NELL2: variants seen among roughly 807,000 people sequenced by gnomAD.
NELL2 encodes the protein neural EGFL like 2, also known as protein kinase C-binding protein NELL2.
Under a neutral mutation model 109.6 loss-of-function variants are expected in NELL2, and 41 were observed. The ratio of observed to expected loss-of-function variants is 0.37; its 90% CI spans 0.29 to 0.49. The LOEUF (loss-of-function observed/expected upper bound fraction) is 0.49. Among genes scored for constraint, NELL2 ranks in the 20% least tolerant of loss-of-function variants. The pLI, the probability that NELL2 is intolerant of heterozygous loss-of-function variation, is 0.98. For missense variants in NELL2, 900 were observed against 1,008.3 expected, an observed-to-expected ratio of 0.89 and a Z score of 1.45; for synonymous variants, 355 against 344.7, an observed-to-expected ratio of 1.03 and a Z score of -0.33.
rs532440091 is a variant in NELL2 at position 44,776,410 on chromosome 12, C to A, written c.763-260G>T. On this transcript the variant is annotated intron_variant, in intron 7 of 19. Coordinates refer to ENST00000429094, the MANE Select transcript of NELL2 (RefSeq NM_001145108.2). ...ATAAGACATAAATCAAAGGTTAATT[C>A]AAAACATCACTCAAATGCAGAGAAG... Among the ~76,000 whole-genome samples the A allele has an allele frequency of 2.0e-5, 3 of 152,188 alleles. No homozygotes were observed. The South Asian group carries it at 6.2e-4, about 32-fold the overall frequency.
At chr12:44,557,662 T>C (rs1231176220) in intron 15 of NELL2, among the ~76,000 whole-genome samples, 2 of 152,168 alleles carry the variant, frequency 1.3e-5, no homozygotes, top group East Asian at 3.9e-4. Flanking sequence ...ATATGTTGAA[T>C]TGGCTATTGA....
chr12:44,738,145 T>A (rs1009579396), intron 9 of NELL2, among the ~76,000 whole-genome samples: 1 of 152,160 alleles, frequency 6.6e-6, no homozygotes, highest in Non-Finnish European at 1.5e-5. Context: ...AGCCATTATA[T>A]TGTAGTCTAT....
At chr12:44,888,777 C>T (rs1312773235) in intron 1 of NELL2, among the ~76,000 whole-genome samples, 1 of 151,630 alleles carries the variant, frequency 6.6e-6, no homozygotes, top group Non-Finnish European at 1.5e-5. Flanking sequence ...TTTTAGTCAA[C>T]ATTCTTCGTA....
chr12:44,846,714 G>GT (rs538236390), intron 2 of NELL2, among the ~76,000 whole-genome samples: 44 of 152,028 alleles, frequency 2.9e-4, no homozygotes, highest in Non-Finnish European at 5.9e-4. Context: ...ATTTTTTCTA[G>GT]TTTTTTCCCA....
chr12:44,861,098 T>C (rs1374903251), intron 2 of NELL2, among the ~76,000 whole-genome samples: 4 of 152,112 alleles, frequency 2.6e-5, no homozygotes, highest in East Asian at 1.9e-4. Flanking sequence ...AGGTGAGAGA[T>C]TGCAGCACCT....
chr12:44,751,313 T>G (rs1397083954), intron 9 of NELL2, among the ~76,000 whole-genome samples: 5 of 152,230 alleles, frequency 3.3e-5, no homozygotes, highest in Admixed American at 3.3e-4. Context: ...AAATGATATT[T>G]TGTTCTTTAT....
chr12:44,648,797 G>A (rs760425356), intron 13 of NELL2, among the ~76,000 whole-genome samples: 8 of 142,242 alleles, frequency 5.6e-5, no homozygotes, highest in South Asian at 2.2e-4. Context: ...GTGCAGTGGC[G>A]TGATCTCGGC....
At position 44,520,243 on chromosome 12, in the gene NELL2, A is replaced by G. The variant is rs747259016; in HGVS notation, c.2176-14T>C. ...AACTTCCCCTTGCTACAAGGAAAGC[A>G]GATGTGCAAGGGCAGAGGGAGAGGG... On this transcript the variant is annotated splice_polypyrimidine_tract_variant and intron_variant, in intron 18 of 19. Coordinates refer to ENST00000429094, the MANE Select transcript of NELL2 (RefSeq NM_001145108.2). 6.3e-7 allele frequency: 1 copy of G among 1,599,392 alleles called. No homozygotes were observed. The highest frequency in any genetic ancestry group is 1.1e-5 in the South Asian group (1 of 89,334).
At chr12:44,785,637 G>A (rs545440416) in intron 3 of NELL2, among the ~76,000 whole-genome samples, 1 of 152,192 alleles carries the variant, frequency 6.6e-6, no homozygotes, top group South Asian at 2.1e-4. Context: ...CTATACTACA[G>A]GCTACAGTAA....
At chr12:44,737,303 G>GA (rs1348788220) in intron 9 of NELL2, among the ~76,000 whole-genome samples, 1 of 141,086 alleles carries the variant, frequency 7.1e-6, no homozygotes, top group Non-Finnish European at 1.6e-5. Context: ...TATTGCCATT[G>GA]TATTCATTGG....
At chr12:44,743,777 C>T (rs1163990491) in intron 9 of NELL2, among the ~76,000 whole-genome samples, 1 of 152,184 alleles carries the variant, frequency 6.6e-6, no homozygotes. Flanking sequence ...GCACCCAATA[C>T]AGGAGCACCC....
At chr12:44,868,119 CAAAAAA>C (rs34038469) in intron 2 of NELL2, among the ~76,000 whole-genome samples, 2 of 64,654 alleles carry the variant, frequency 3.1e-5, no homozygotes, top group Non-Finnish European at 5.4e-5. Context: ...GGCTCCATCT[CAAAAAA>C]AAAAAAAAAA....
chr12:44,904,036 A>G (rs1434562299), intron 1 of NELL2, among the ~76,000 whole-genome samples: 1 of 152,058 alleles, frequency 6.6e-6, no homozygotes, highest in Non-Finnish European at 1.5e-5. Flanking sequence ...AAAATATAAT[A>G]AAAATAAATT....
intron 3 of NELL2, among the ~76,000 whole-genome samples, chr12:44,785,258 T>G (rs1044555529): frequency 2.0e-5 from 3 of 152,124 alleles, no homozygotes; most frequent in African/African-American, 7.2e-5. Context: ...CAGAGCCAAA[T>G]CATGAGTGAA....
intron 12 of NELL2, among the ~76,000 whole-genome samples, chr12:44,668,842 G>A (rs968715719): frequency 2.0e-5 from 3 of 152,086 alleles, no homozygotes; most frequent in Non-Finnish European, 2.9e-5. Flanking sequence ...GCCACCATCA[G>A]TGTCACAAAT....
intron 15 of NELL2, among the ~76,000 whole-genome samples, chr12:44,554,354 T>C (rs761582042): frequency 6.6e-5 from 10 of 151,980 alleles, no homozygotes; most frequent in Admixed American, 1.3e-4. Context: ...AGAAAAACAA[T>C]ACAGTACATA....
chr12:44,758,498 CTGTTAATAT>C (rs1236841425), intron 9 of NELL2, among the ~76,000 whole-genome samples: 1 of 152,216 alleles, frequency 6.6e-6, no homozygotes, highest in Non-Finnish European at 1.5e-5. Context: ...TCTCAACTTA[CTGTTAATAT>C]TTACAGATGC....
intron 12 of NELL2, among the ~76,000 whole-genome samples, chr12:44,682,481 G>A (rs1948549458): frequency 6.6e-6 from 1 of 152,102 alleles, no homozygotes; most frequent in Admixed American, 6.5e-5. Context: ...TTTTAGACAT[G>A]AAGTCCTTGC....
At chr12:44,520,528 T>C (rs1480007244) in intron 18 of NELL2, among the ~76,000 whole-genome samples, 2 of 152,192 alleles carry the variant, frequency 1.3e-5, no homozygotes, top group East Asian at 3.8e-4. Flanking sequence ...TGCCCCTATC[T>C]TTCCCATGAC....
Sources: allele counts gnomAD v4.1 joint callset (sites outside exome capture counted in the v4.1 genomes callset), GRCh38; gene constraint gnomAD v4.1.1; transcripts MANE v1.5; gene names NCBI Gene and HGNC (gene_info 2026-07-23, HGNC 2026-07-21).